The following KLF12 variants were observed in gnomAD, a reference collection of about 807,000 sequenced individuals.
KLF12 encodes the protein Krueppel-like factor 12.
Under a neutral mutation model 37.8 loss-of-function variants are expected in KLF12, and 9 were observed. The ratio of observed to expected loss-of-function variants is 0.24; its 90% CI spans 0.14 to 0.42. KLF12 has a LOEUF of 0.42. KLF12 is among the 10% of genes least tolerant of loss of function. The probability of loss-of-function intolerance (pLI) is 1.00; values close to 1 mark genes in which losing one functional copy is unlikely to be tolerated. For synonymous variants in KLF12, 208 were observed against 202.1 expected (o/e 1.03, Z -0.25); for missense variants, 411 against 516.0 (o/e 0.80, Z 1.97).
At chr13:74,072,406 T>TAAAA (rs55876641) in intron 1 of KLF12, among the ~76,000 whole-genome samples, 3 of 119,726 alleles carry the variant, frequency 2.5e-5, no homozygotes, top group African/African-American at 9.2e-5. Flanking sequence ...TATATATATA[T>TAAAA]AAAAGATTAT....
At chr13:74,291,732 T>G in the KLF12 span, among the ~76,000 whole-genome samples, 1 of 152,114 alleles carries the variant, frequency 6.6e-6, no homozygotes, top group South Asian at 2.1e-4. Flanking sequence ...TATACATATA[T>G]GTATCTACAC....
chr13:73,880,595 T>C (rs1886931096), intron 3 of KLF12, among the ~76,000 whole-genome samples: 1 of 152,186 alleles, frequency 6.6e-6, no homozygotes. Flanking sequence ...TCCTAATTTG[T>C]TGCTTCCAAA....
At chr13:73,788,195 T>G (rs1337618479) in intron 5 of KLF12, among the ~76,000 whole-genome samples, 1 of 152,202 alleles carries the variant, frequency 6.6e-6, no homozygotes, top group South Asian at 2.1e-4. Flanking sequence ...TTTTCCCTGG[T>G]AAAATTATCA....
intron 1 of KLF12, among the ~76,000 whole-genome samples, chr13:74,100,944 C>T (rs982276374): frequency 2.0e-5 from 3 of 152,086 alleles, no homozygotes; most frequent in Non-Finnish European, 4.4e-5. Context: ...AAAAAAATTG[C>T]CTTCAGCTCC....
chr13:73,727,640 A>G (rs1876756298), intron 6 of KLF12, among the ~76,000 whole-genome samples: 1 of 151,556 alleles, frequency 6.6e-6, no homozygotes, highest in African/African-American at 2.4e-5. Context: ...ATTCCTCCCA[A>G]TTTATTCTCC....
chr13:73,947,590 G>C (rs1306484267), intron 2 of KLF12, among the ~76,000 whole-genome samples: 2 of 147,570 alleles, frequency 1.4e-5, no homozygotes, highest in African/African-American at 5.0e-5. Flanking sequence ...GGCAGAGGTT[G>C]CTGTGAGCCA....
chr13:73,878,680 G>A (rs117710693), intron 3 of KLF12, among the ~76,000 whole-genome samples: 1 of 149,618 alleles, frequency 6.7e-6, no homozygotes, highest in Non-Finnish European at 1.5e-5. Context: ...GCAAGAGAGT[G>A]CCATGGGAGG....
chr13:73,934,507 A>G (rs1404058461), intron 3 of KLF12, among the ~76,000 whole-genome samples: 1 of 152,174 alleles, frequency 6.6e-6, no homozygotes, highest in African/African-American at 2.4e-5. Flanking sequence ...CATTTCCTGT[A>G]TAAATCTAAA....
intron 1 of KLF12, among the ~76,000 whole-genome samples, chr13:74,098,022 T>C (rs1876081847): frequency 6.6e-6 from 1 of 152,154 alleles, no homozygotes; most frequent in Admixed American, 6.5e-5. Flanking sequence ...TACAGGCTAC[T>C]ACTAGCCTCG....
chr13:74,171,213 T>A, the KLF12 span, among the ~76,000 whole-genome samples: 2 of 152,162 alleles, frequency 1.3e-5, no homozygotes. Context: ...GGAGTTAAGA[T>A]TTTACTGAAT....
chr13:74,200,857 T>C, the KLF12 span, among the ~76,000 whole-genome samples: 1 of 152,142 alleles, frequency 6.6e-6, no homozygotes, highest in African/African-American at 2.4e-5. Flanking sequence ...GTATTGTCCT[T>C]ACCAAGATGA....
chr13:73,726,651 A>G (rs1423174270), intron 6 of KLF12, among the ~76,000 whole-genome samples: 2 of 152,240 alleles, frequency 1.3e-5, no homozygotes, highest in African/African-American at 2.4e-5. Context: ...TTATGGATAG[A>G]TCACATTTAC....
At chr13:73,931,456 A>G (rs573565351) in intron 3 of KLF12, among the ~76,000 whole-genome samples, 1 of 152,278 alleles carries the variant, frequency 6.6e-6, no homozygotes, top group East Asian at 1.9e-4. Context: ...CAAAATCTCT[A>G]TTTATATATA....
At chr13:73,709,562 G>A (rs1040366867) in intron 7 of KLF12, among the ~76,000 whole-genome samples, 1 of 152,122 alleles carries the variant, frequency 6.6e-6, no homozygotes, top group African/African-American at 2.4e-5. Flanking sequence ...CAGAAGTCAG[G>A]ATGGGCTCAT....
chr13:74,104,890 TC>T (rs939391171), intron 1 of KLF12, among the ~76,000 whole-genome samples: 16 of 151,890 alleles, frequency 1.1e-4, no homozygotes, highest in African/African-American at 3.9e-4. Context: ...TGGGTTAGGT[TC>T]CCCCCTCCCC....
chr13:73,973,595 T>A (rs553755015), intron 2 of KLF12, among the ~76,000 whole-genome samples: 1 of 150,358 alleles, frequency 6.7e-6, no homozygotes, highest in African/African-American at 2.4e-5. Flanking sequence ...AATGGATAGG[T>A]CTCAACTATA....
At chr13:74,178,298 C>A in the KLF12 span, among the ~76,000 whole-genome samples, 1 of 152,114 alleles carries the variant, frequency 6.6e-6, no homozygotes, top group Non-Finnish European at 1.5e-5. Context: ...TGTCCCCTGA[C>A]GCAAAAATGA....
intron 3 of KLF12, among the ~76,000 whole-genome samples, chr13:73,858,006 A>G (rs1177063019): frequency 1.3e-5 from 2 of 152,224 alleles, no homozygotes; most frequent in African/African-American, 2.4e-5. Context: ...ATACATGAAA[A>G]TAATACATGG....
intron 2 of KLF12, among the ~76,000 whole-genome samples, chr13:73,952,489 A>G (rs984057594): frequency 3.9e-5 from 6 of 152,082 alleles, no homozygotes; most frequent in African/African-American, 1.4e-4. Context: ...CCATGATCCA[A>G]TCACCTCCCA....
Sources: gnomAD v4.1 joint callset for allele counts (sites outside exome capture counted in the v4.1 genomes callset) on GRCh38, gnomAD v4.1.1 for gene constraint, MANE v1.5 for transcripts, NCBI Gene and HGNC (gene_info 2026-07-23, HGNC 2026-07-21) for gene names.